Variants in PBX1 observed in about 807,000 individuals in gnomAD.
The protein encoded by PBX1 is pre-B-cell leukemia transcription factor 1.
PBX1 carries 6 observed loss-of-function variants against 53.4 expected under a neutral mutation model. The ratio of observed to expected loss-of-function variants is 0.11; its 90% CI spans 0.06 to 0.22. The LOEUF is 0.22. Ranked by LOEUF, PBX1 falls within the 10% of genes least tolerant of loss-of-function variation. PBX1 has a pLI of 1.00. For synonymous variants in PBX1, 204 were observed against 212.3 expected, an observed-to-expected ratio of 0.96 and a Z score of 0.34; for missense variants, 251 against 551.4, an observed-to-expected ratio of 0.46 and a Z score of 5.46.
At position 164,559,909 on chromosome 1, in the gene PBX1, G is replaced by A. The variant is rs1044664177; in HGVS notation, c.87G>A (p.Gly29=). 1.3e-6 allele frequency: 2 copies of A among 1,549,914 alleles called. No individual in the cohort carries two copies. Among genetic ancestry groups the A allele is most frequent in the Non-Finnish European group, 1.7e-6 (2 of 1,146,262 alleles). Residue 29 remains glycine, a synonymous_variant, in exon 1 of 9, where the codon GGG becomes GGA. Coordinates refer to ENST00000420696, the MANE Select transcript of PBX1 (RefSeq NM_002585.4). ...GCCTGTCCCAGCACTTGCAGGATGG[G>A]GCCGGAGGGACCGAGGGGGAGGGCG... The part of the protein sequence containing the change: ...HPGLSQHLQD[G]AGGTEGEGGR...
At chr1:164,870,690 T>A (rs1308672128) in intron 2 of PBX1, among the ~76,000 whole-genome samples, 1 of 152,176 alleles carries the variant, frequency 6.6e-6, no homozygotes, top group East Asian at 1.9e-4. Flanking sequence ...AGTTTGTGCT[T>A]TTGAATTCTA....
intron 2 of PBX1, among the ~76,000 whole-genome samples, chr1:164,786,212 T>G (rs1324223914): frequency 2.0e-5 from 3 of 151,952 alleles, no homozygotes; most frequent in Non-Finnish European, 4.4e-5. Context: ...ATATTGCTCT[T>G]AAGAAATATT....
chr1:164,799,956 C>G, intron 4 of PBX1, 67 bp downstream of exon 4: 1 of 1,433,280 alleles, frequency 7.0e-7, no homozygotes, highest in African/African-American at 1.4e-5. Context: ...AGTCCACAGC[C>G]GCTGCCCCCT....
At chr1:164,577,242 T>C (rs1402249939) in intron 2 of PBX1, among the ~76,000 whole-genome samples, 1 of 152,226 alleles carries the variant, frequency 6.6e-6, no homozygotes, top group African/African-American at 2.4e-5. Flanking sequence ...AACCTTGATG[T>C]ACTTTAAACA....
At chr1:164,654,777 G>T (rs931043665) in intron 2 of PBX1, among the ~76,000 whole-genome samples, 2 of 152,212 alleles carry the variant, frequency 1.3e-5, no homozygotes, top group African/African-American at 4.8e-5. Flanking sequence ...GTCAGTCAAT[G>T]GAAGAACCAA....
chr1:164,687,018 C>T (rs1277990897), intron 2 of PBX1, among the ~76,000 whole-genome samples: 13 of 152,136 alleles, frequency 8.5e-5, no homozygotes, highest in African/African-American at 1.7e-4. Flanking sequence ...ATTGACCTTT[C>T]GTAATTCTTG....
At chr1:164,651,799 T>C (rs762082982) in intron 2 of PBX1, 1 of 152,444 alleles carries the variant, frequency 6.6e-6, no homozygotes, top group Non-Finnish European at 1.5e-5. Flanking sequence ...GTGGGGTTTG[T>C]ACCTTGGCCT....
chr1:164,859,340 C>T (rs1672043932), intron 2 of PBX1, among the ~76,000 whole-genome samples: 1 of 152,190 alleles, frequency 6.6e-6, no homozygotes, highest in Non-Finnish European at 1.5e-5. Context: ...GGACTGGGAG[C>T]TCAAGCAGGG....
At position 164,622,453 on chromosome 1, in the gene PBX1, G is replaced by A. The variant is rs1441610465; in HGVS notation, c.265+59142G>A. 2.6e-5 allele frequency among the ~76,000 whole-genome samples: 4 copies of A among 152,310 alleles called. No homozygotes were observed. In the East Asian group the frequency reaches 5.8e-4, roughly 22 times the overall value. On this transcript the variant is annotated intron_variant, in intron 2 of 8. Transcript: ENST00000420696. ...ATGACTAGATGAGTGAGGTTCTCCT[G>A]ATTGTTTCTGAGGCTGCTTGTTCCC...
intron 8 of PBX1, among the ~76,000 whole-genome samples, chr1:164,824,900 G>C (rs1048519271): frequency 6.6e-6 from 1 of 152,028 alleles, no homozygotes; most frequent in South Asian, 2.1e-4. Context: ...CTAGACTATT[G>C]CCATAACTTC....
At chr1:164,587,939 A>C (rs1655064496) in intron 2 of PBX1, among the ~76,000 whole-genome samples, 1 of 152,142 alleles carries the variant, frequency 6.6e-6, no homozygotes. Flanking sequence ...TATATGCAAG[A>C]AGAGAAGAGA....
At chr1:164,659,092 TTCA>T (rs1660337752) in intron 2 of PBX1, among the ~76,000 whole-genome samples, 1 of 151,748 alleles carries the variant, frequency 6.6e-6, no homozygotes, top group African/African-American at 2.4e-5. Context: ...GGCTGATTCA[TTCA>T]TCATCTCTTT....
intron 8 of PBX1, among the ~76,000 whole-genome samples, chr1:164,831,853 C>G (rs1558034258): frequency 6.6e-6 from 1 of 152,150 alleles, no homozygotes; most frequent in Non-Finnish European, 1.5e-5. Context: ...CTCCTATCCT[C>G]AGTCCCTCAT....
intron 2 of PBX1, among the ~76,000 whole-genome samples, chr1:164,733,270 A>G (rs1665094468): frequency 6.6e-6 from 1 of 152,094 alleles, no homozygotes; most frequent in Admixed American, 6.6e-5. Context: ...GAACTTCTTG[A>G]TGTCGGACCT....
At chr1:164,606,195 CATT>C in intron 2 of PBX1, among the ~76,000 whole-genome samples, 1 of 152,320 alleles carries the variant, frequency 6.6e-6, no homozygotes, top group Admixed American at 6.5e-5. Flanking sequence ...CCAATAAATG[CATT>C]CTGCTATATG....
chr1:164,738,778 A>G (rs1363198422), intron 2 of PBX1, among the ~76,000 whole-genome samples: 5 of 152,206 alleles, frequency 3.3e-5, no homozygotes, highest in Non-Finnish European at 7.3e-5. Context: ...GCATAGTTCA[A>G]ATTAATCATT....
intron 2 of PBX1, among the ~76,000 whole-genome samples, chr1:164,781,552 A>G (rs1667933745): frequency 6.6e-6 from 1 of 152,160 alleles, no homozygotes; most frequent in South Asian, 2.1e-4. Context: ...TGGTCAAGAT[A>G]GAGTCTTCTC....
At chr1:164,698,414 C>G (rs1228593231) in intron 2 of PBX1, among the ~76,000 whole-genome samples, 1 of 152,114 alleles carries the variant, frequency 6.6e-6, no homozygotes, top group African/African-American at 2.4e-5. Flanking sequence ...TGGGGTTGAA[C>G]AGAAGGAATT....
intron 2 of PBX1, among the ~76,000 whole-genome samples, chr1:164,630,782 T>TAC (rs1658359918): frequency 6.6e-6 from 1 of 152,222 alleles, no homozygotes. Flanking sequence ...ACTTGGCAAT[T>TAC]ACTGTCTTGT....
Sources: gnomAD v4.1 joint callset for allele counts (sites outside exome capture counted in the v4.1 genomes callset) on GRCh38, gnomAD v4.1.1 for gene constraint, MANE v1.5 for transcripts, NCBI Gene and HGNC (gene_info 2026-07-23, HGNC 2026-07-21) for gene names.